The following BCR variants were observed in gnomAD, a reference collection of about 807,000 sequenced individuals.
BCR encodes the protein breakpoint cluster region protein.
Under a neutral mutation model 138.6 loss-of-function variants are expected in BCR, and 58 were observed. That is an observed-to-expected ratio of 0.42 (90% confidence interval 0.34 to 0.52). The LOEUF (loss-of-function observed/expected upper bound fraction) is 0.52, where lower values mean the gene tolerates loss of function less well. Among genes scored for constraint, BCR ranks in the 20% least tolerant of loss-of-function variants. BCR has a pLI of 0.06. For synonymous variants in BCR, 786 were observed against 730.1 expected (o/e 1.08, Z -1.23); for missense variants, 1,599 against 1,727.2 (o/e 0.93, Z 1.32).
At chr22:23,242,309 A>G (rs538613888) in intron 1 of BCR, among the ~76,000 whole-genome samples, 4 of 152,232 alleles carry the variant, frequency 2.6e-5, no homozygotes, top group East Asian at 1.9e-4. Context: ...GTTAAAGCAT[A>G]TTTATTCAGG....
intron 1 of BCR, among the ~76,000 whole-genome samples, chr22:23,225,546 C>T (rs577156135): frequency 6.6e-5 from 10 of 152,326 alleles, no homozygotes; most frequent in South Asian, 4.1e-4. Flanking sequence ...AATCAGGACA[C>T]GGGTATGGGG....
chr22:23,236,882 G>A (rs999606157), intron 1 of BCR, among the ~76,000 whole-genome samples: 5 of 152,230 alleles, frequency 3.3e-5, no homozygotes, highest in African/African-American at 7.2e-5. Context: ...AATAGTACCC[G>A]AGTCAGTTGC....
intron 1 of BCR, among the ~76,000 whole-genome samples, chr22:23,206,931 AT>A (rs2146214958): frequency 1.4e-5 from 1 of 69,572 alleles, no homozygotes; most frequent in East Asian, 1.8e-3. Context: ...TCCCTCTGTC[AT>A]CCATTCATTC....
chr22:23,207,581 C>T (rs2072631966), intron 1 of BCR, among the ~76,000 whole-genome samples: 1 of 152,142 alleles, frequency 6.6e-6, no homozygotes, highest in Admixed American at 6.5e-5. Context: ...TGTGATTGCA[C>T]CACTGCACTC....
intron 1 of BCR, among the ~76,000 whole-genome samples, chr22:23,214,730 G>T (rs1215711505): frequency 1.3e-5 from 2 of 152,230 alleles, no homozygotes; most frequent in African/African-American, 4.8e-5. Flanking sequence ...GTCGGCGTTT[G>T]TGAGCGTGCA....
intron 1 of BCR, chr22:23,198,306 A>C (rs769639589): frequency 1.1e-5 from 5 of 441,164 alleles, no homozygotes; most frequent in South Asian, 6.5e-5. Flanking sequence ...GCAGGGCCAC[A>C]TCTTTGTCCG....
At position 23,182,054 on chromosome 22, in the gene BCR, A is replaced by G; in HGVS notation, c.1094A>G (p.Asp365Gly). ...PSPTTYRMFR[D>G]KSRSPSQNSQ... ...CCCACCACCTACCGCATGTTCCGGG[A>G]CAAAAGCCGCTCTCCCTCGCAGAAC... is the stretch of plus-strand genomic sequence containing the variant. Residue 365 changes from aspartate to glycine, a missense_variant, in exon 1 of 23, where the codon GAC becomes GGC. Coordinates refer to ENST00000305877, the MANE Select transcript of BCR (RefSeq NM_004327.4). The G allele has an allele frequency of 6.2e-7, 1 of 1,613,670 alleles. No homozygotes were observed. The highest frequency in any genetic ancestry group is 8.5e-7 in the Non-Finnish European group (1 of 1,179,988).
At position 23,181,441 on chromosome 22, in the gene BCR, A is replaced by T; in HGVS notation, c.481A>T (p.Ile161Phe). ...GGCGCTCAGGTCCAACTTCGAGCGG[A>T]TCCGCAAGGGCCATGGCCAGCCCGG... ...VAALRSNFER[I>F]RKGHGQPGAD... The change falls in exon 1 of 23, where the codon ATC (isoleucine) becomes TTC (phenylalanine). Residue 161 changes from isoleucine (I) to phenylalanine (F), a missense_variant. This residue lies in a region of BCR where 806 missense variants were observed against 635.0 expected (regional missense o/e 1.27). Coordinates refer to ENST00000305877, the MANE Select transcript of BCR (RefSeq NM_004327.4). The T allele has an allele frequency of 6.3e-7, 1 of 1,596,090 alleles. No individual in the cohort carries two copies. Among genetic ancestry groups the T allele is most frequent in the Non-Finnish European group, 8.6e-7 (1 of 1,168,356 alleles).
chr22:23,217,451 A>T (rs2072769169), intron 1 of BCR, among the ~76,000 whole-genome samples: 1 of 152,214 alleles, frequency 6.6e-6, no homozygotes, highest in African/African-American at 2.4e-5. Context: ...GATGGAGTGG[A>T]TAGGCCTTGG....
intron 8 of BCR, among the ~76,000 whole-genome samples, chr22:23,280,307 C>T (rs2073629192): frequency 6.6e-6 from 1 of 152,216 alleles, no homozygotes; most frequent in South Asian, 2.1e-4. Flanking sequence ...CAAGGAGGTG[C>T]CCCTCCTCAC....
chr22:23,287,448 C>T (rs1490563786), intron 11 of BCR, among the ~76,000 whole-genome samples, 170 bp downstream of exon 11: 1 of 152,238 alleles, frequency 6.6e-6, no homozygotes, highest in African/African-American at 2.4e-5. Flanking sequence ...GGCTGTAGCC[C>T]CCAGGTTGAG....
chr22:23,254,174 TC>T (rs2073266740), intron 2 of BCR, among the ~76,000 whole-genome samples, 194 bp downstream of exon 2: 1 of 151,982 alleles, frequency 6.6e-6, no homozygotes, highest in African/African-American at 2.4e-5. Flanking sequence ...ATCAGGGAGA[TC>T]GGGGGATGCT....
chr22:23,299,758 C>T (rs1000573115), intron 16 of BCR, among the ~76,000 whole-genome samples: 2 of 151,584 alleles, frequency 1.3e-5, no homozygotes, highest in African/African-American at 4.8e-5. Context: ...CTGTTACATG[C>T]ACTGGAAATT....
At chr22:23,280,192 C>A (rs2073627921) in intron 8 of BCR, among the ~76,000 whole-genome samples, 1 of 152,194 alleles carries the variant, frequency 6.6e-6, no homozygotes, top group Non-Finnish European at 1.5e-5. Flanking sequence ...TTCTTCCAGA[C>A]TGGCCTTCCT....
chr22:23,246,223 A>G (rs546670749), intron 1 of BCR, among the ~76,000 whole-genome samples: 28 of 152,294 alleles, frequency 1.8e-4, no homozygotes, highest in African/African-American at 5.8e-4. Flanking sequence ...CCAGGAGTTC[A>G]AGACCAGCCT....
At chr22:23,308,562 C>T (rs2073973092) in intron 16 of BCR, among the ~76,000 whole-genome samples, 1 of 152,208 alleles carries the variant, frequency 6.6e-6, no homozygotes, top group Non-Finnish European at 1.5e-5. Context: ...ACCTCAGCCT[C>T]TCAAAGTGCT....
At chr22:23,294,880 C>T in intron 15 of BCR, 144 bp from the exon 16 acceptor site, 2 of 1,073,428 alleles carry the variant, frequency 1.9e-6, no homozygotes, top group South Asian at 1.6e-5. Context: ...TCCATGTGTC[C>T]CAGGACTAAG....
chr22:23,234,444 A>C (rs566009795), intron 1 of BCR, among the ~76,000 whole-genome samples: 1 of 152,278 alleles, frequency 6.6e-6, no homozygotes, highest in Admixed American at 6.5e-5. Context: ...GCCCGTCCTA[A>C]GGAGCTTATG....
intron 15 of BCR, among the ~76,000 whole-genome samples, chr22:23,293,958 G>A (rs2073818164): frequency 6.6e-6 from 1 of 152,248 alleles, no homozygotes; most frequent in African/African-American, 2.4e-5. Context: ...GGAGGAGAGA[G>A]TTAACACCAC....
Sources: gnomAD v4.1 joint callset for allele counts (sites outside exome capture counted in the v4.1 genomes callset) on GRCh38, gnomAD v4.1.1 for gene constraint, gnomAD v4.1.1 regional missense constraint, MANE v1.5 for transcripts, NCBI Gene and HGNC (gene_info 2026-07-23, HGNC 2026-07-21) for gene names.